ARHGAP6: variants seen among roughly 807,000 people sequenced by gnomAD.
ARHGAP6 encodes the protein Rho GTPase activating protein 6.
ARHGAP6 carries 16 observed loss-of-function variants against 55.7 expected under a neutral mutation model. The ratio of observed to expected loss-of-function variants is 0.29; its 90% CI spans 0.19 to 0.44. ARHGAP6 has a LOEUF of 0.44. Among genes scored for constraint, ARHGAP6 ranks in the 20% least tolerant of loss-of-function variants. The pLI, the probability that ARHGAP6 is intolerant of heterozygous loss-of-function variation, is 1.00. For synonymous variants in ARHGAP6, 382 were observed against 360.9 expected, an observed-to-expected ratio of 1.06 and a Z score of -0.66; for missense variants, 698 against 808.9, an observed-to-expected ratio of 0.86 and a Z score of 1.66.
At chrX:11,418,234 TTAAGAA>T (rs1337521853) in intron 1 of ARHGAP6, among the ~76,000 whole-genome samples, 1 of 112,051 alleles carries the variant, frequency 8.9e-6, no homozygotes, top group Non-Finnish European at 1.9e-5. Context: ...AGGAACTAAC[TTAAGAA>T]TAAGAGGTAC....
chrX:11,293,984 C>G (rs930284666), intron 1 of ARHGAP6, among the ~76,000 whole-genome samples: 2 of 112,490 alleles, frequency 1.8e-5, no homozygotes, highest in Non-Finnish European at 3.8e-5. Context: ...ATTTGTGCCA[C>G]AAATCAATGT....
rs752956383 is a variant in ARHGAP6 at position 11,143,881 on chromosome X, G to A, written c.2176+99C>T. 5 of 1,199,142 alleles carry A rather than the reference G, an allele frequency of 4.2e-6. No individual in the cohort carries two copies. In the South Asian group the frequency reaches 7.3e-5, roughly 17 times the overall value. On this transcript the variant is annotated intron_variant, in intron 11 of 12. Coordinates refer to ENST00000337414, the MANE Select transcript of ARHGAP6 (RefSeq NM_013427.3). ...AATTACAGAAACATCAAATAAGGGA[G>A]AGACGAAGAGAAGGTCCGAAGAGCC...
At chrX:11,613,419 C>A (rs760672382) in intron 1 of ARHGAP6, among the ~76,000 whole-genome samples, 1 of 112,204 alleles carries the variant, frequency 8.9e-6, no homozygotes, top group East Asian at 2.8e-4. Context: ...ATAATTCTAA[C>A]TTTAGGTTTC....
intron 2 of ARHGAP6, among the ~76,000 whole-genome samples, chrX:11,230,404 G>C (rs2047111423): frequency 9.0e-6 from 1 of 110,818 alleles, no homozygotes; most frequent in East Asian, 2.8e-4. Flanking sequence ...CAGCATGTTG[G>C]CCAGGATGGT....
intron 1 of ARHGAP6, among the ~76,000 whole-genome samples, chrX:11,489,085 T>C (rs982568242): frequency 8.0e-5 from 9 of 112,452 alleles, no homozygotes; most frequent in Non-Finnish European, 1.9e-5. Context: ...GAATCATACA[T>C]GCAAAACTGG....
intron 1 of ARHGAP6, among the ~76,000 whole-genome samples, chrX:11,612,226 T>G (rs1225793998): frequency 8.9e-6 from 1 of 111,760 alleles, no homozygotes; most frequent in Non-Finnish European, 1.9e-5. Context: ...GAAATGCATG[T>G]TTTAAGTGAG....
chrX:11,298,251 A>G, intron 1 of ARHGAP6: 1 of 1,211,493 alleles, frequency 8.3e-7, no homozygotes, highest in East Asian at 3.0e-5. Context: ...TACCCCTTTG[A>G]AGTGGTACCA....
chrX:11,476,018 A>C (rs953957352), intron 1 of ARHGAP6, among the ~76,000 whole-genome samples: 12 of 111,617 alleles, frequency 1.1e-4, no homozygotes, highest in Admixed American at 1.1e-3. Context: ...AGATTGAATA[A>C]GATATCTGAG....
rs182373553 is a variant in ARHGAP6 at position 11,652,466 on chromosome X, T to C, written c.588+11775A>G. ...TAGTTTCTATAAGCAGTTTGCAAAA[T>C]ACCTTTGGGGGCAAGAGTTTAACTT... On this transcript the variant is annotated intron_variant, in intron 1 of 12. Transcript: ENST00000337414. Among the ~76,000 whole-genome samples the C allele has an allele frequency of 3.8e-3, 421 of 111,951 alleles. 1 individual carries two copies. Among genetic ancestry groups the C allele is most frequent in the African/African-American group, 0.012 (373 of 30,854 alleles).
intron 1 of ARHGAP6, among the ~76,000 whole-genome samples, chrX:11,624,462 T>C (rs1204280611): frequency 1.8e-5 from 2 of 113,090 alleles, no homozygotes; most frequent in African/African-American, 6.4e-5. Flanking sequence ...GAGGAAATAT[T>C]TGTCAACTAT....
At chrX:11,432,817 G>T (rs144934325) in intron 1 of ARHGAP6, among the ~76,000 whole-genome samples, 1 of 112,004 alleles carries the variant, frequency 8.9e-6, no homozygotes, top group African/African-American at 3.2e-5. Context: ...TCACCCACAC[G>T]CACAGACAGG....
At chrX:11,411,183 T>TTTTATATATATATATA (rs1196355643) in intron 1 of ARHGAP6, among the ~76,000 whole-genome samples, 11 of 31,787 alleles carry the variant, frequency 3.5e-4, no homozygotes, top group African/African-American at 1.1e-3. Flanking sequence ...CAGACATTAT[T>TTTTATATATATATATA]TATATATATA....
chrX:11,431,862 A>G (rs2049943401), intron 1 of ARHGAP6, among the ~76,000 whole-genome samples: 1 of 112,213 alleles, frequency 8.9e-6, no homozygotes, highest in African/African-American at 3.2e-5. Context: ...CCAGTGGTAG[A>G]CACTGTCATG....
At chrX:11,528,542 T>C (rs1022589033) in intron 1 of ARHGAP6, among the ~76,000 whole-genome samples, 3 of 112,471 alleles carry the variant, frequency 2.7e-5, no homozygotes, top group East Asian at 5.5e-4. Context: ...CAGGAAACTA[T>C]AGCAAAGGTT....
chrX:11,177,583 G>T (rs142609224), intron 8 of ARHGAP6, among the ~76,000 whole-genome samples: 2 of 111,426 alleles, frequency 1.8e-5, no homozygotes, highest in African/African-American at 6.5e-5. Flanking sequence ...TCCCTGTTTT[G>T]GGGGGAGAGT....
At chrX:11,650,063 T>C (rs2052569380) in intron 1 of ARHGAP6, among the ~76,000 whole-genome samples, 1 of 105,672 alleles carries the variant, frequency 9.5e-6, no homozygotes, top group Non-Finnish European at 1.9e-5. Context: ...GGCACGATCA[T>C]GGTTCACTGC....
chrX:11,404,460 C>T (rs1481897795), intron 1 of ARHGAP6, among the ~76,000 whole-genome samples: 1 of 111,967 alleles, frequency 8.9e-6, no homozygotes, highest in African/African-American at 3.2e-5. Context: ...AAAATAATCC[C>T]TTTGTTTTGC....
chrX:11,524,125 G>C (rs1235262271), intron 1 of ARHGAP6, among the ~76,000 whole-genome samples: 2 of 111,920 alleles, frequency 1.8e-5, no homozygotes, highest in Non-Finnish European at 3.8e-5. Context: ...AATAAAAGAA[G>C]TGATGTAGTT....
chrX:11,656,083 A>T (rs1285735507), intron 1 of ARHGAP6, among the ~76,000 whole-genome samples: 1 of 112,425 alleles, frequency 8.9e-6, no homozygotes, highest in African/African-American at 3.2e-5. Flanking sequence ...TCAAAAGTAA[A>T]GTGAGAAGGA....
Sources: gnomAD v4.1 joint callset for allele counts (sites outside exome capture counted in the v4.1 genomes callset) on GRCh38, gnomAD v4.1.1 for gene constraint, MANE v1.5 for transcripts, NCBI Gene and HGNC (gene_info 2026-07-23, HGNC 2026-07-21) for gene names.